Variants in KCNIP4 observed in about 807,000 individuals in gnomAD.
KCNIP4 encodes potassium voltage-gated channel interacting protein 4, also known as Kv channel-interacting protein 4.
A neutral mutation model predicts 34.0 loss-of-function variants in KCNIP4; 12 were observed. The ratio of observed to expected loss-of-function variants is 0.35; its 90% CI spans 0.23 to 0.57. KCNIP4 has a LOEUF of 0.57. Ranked by LOEUF, KCNIP4 falls within the 20% of genes least tolerant of loss-of-function variation. KCNIP4 has a pLI of 0.83. For missense variants in KCNIP4, 238 were observed against 311.7 expected (o/e 0.76, Z 1.78); for synonymous variants, 124 against 102.2 (o/e 1.21, Z -1.29).
At chr4:21,278,578 G>A (rs1762584682) in intron 1 of KCNIP4, among the ~76,000 whole-genome samples, 1 of 152,094 alleles carries the variant, frequency 6.6e-6, no homozygotes, top group African/African-American at 2.4e-5. Flanking sequence ...AAATAGCAGA[G>A]ACATGGAATC....
At chr4:20,946,615 G>GA in intron 1 of KCNIP4, among the ~76,000 whole-genome samples, 1 of 152,280 alleles carries the variant, frequency 6.6e-6, no homozygotes, top group Middle Eastern at 3.4e-3. Flanking sequence ...CTGAAAGCAG[G>GA]AAAATGGAAG....
chr4:21,504,431 G>A (rs1470140974), intron 1 of KCNIP4, among the ~76,000 whole-genome samples: 1 of 132,560 alleles, frequency 7.5e-6, no homozygotes, highest in African/African-American at 2.9e-5. Context: ...TCATGCCACT[G>A]CACTCCAGCC....
intron 1 of KCNIP4, among the ~76,000 whole-genome samples, chr4:20,894,935 GCAT>G (rs1436335531): frequency 6.6e-6 from 1 of 152,162 alleles, no homozygotes; most frequent in Non-Finnish European, 1.5e-5. Context: ...TACCTTACAA[GCAT>G]CATATTATTT....
chr4:21,747,618 T>C (rs1445628476), intron 1 of KCNIP4, among the ~76,000 whole-genome samples: 2 of 152,108 alleles, frequency 1.3e-5, no homozygotes, highest in Non-Finnish European at 2.9e-5. Flanking sequence ...TTGTAAACTT[T>C]GAGCAACTGA....
chr4:20,910,562 C>T (rs1303911553), intron 1 of KCNIP4, among the ~76,000 whole-genome samples: 1 of 152,134 alleles, frequency 6.6e-6, no homozygotes, highest in Non-Finnish European at 1.5e-5. Flanking sequence ...CAGAACGAGC[C>T]TAACGGAAAT....
At chr4:20,849,140 T>C (rs1720729606) in intron 3 of KCNIP4, among the ~76,000 whole-genome samples, 1 of 152,172 alleles carries the variant, frequency 6.6e-6, no homozygotes, top group Non-Finnish European at 1.5e-5. Flanking sequence ...TCTTGATATA[T>C]TACCTATCAG....
chr4:21,722,069 G>A (rs1714858589), intron 1 of KCNIP4, among the ~76,000 whole-genome samples: 1 of 152,092 alleles, frequency 6.6e-6, no homozygotes, highest in African/African-American at 2.4e-5. Flanking sequence ...GACTCCTTAA[G>A]ATCATAAATT....
chr4:21,373,846 C>G (rs1720718918), intron 1 of KCNIP4, among the ~76,000 whole-genome samples: 1 of 146,738 alleles, frequency 6.8e-6, no homozygotes, highest in Non-Finnish European at 1.5e-5. Flanking sequence ...ACTGGGATTA[C>G]AGGTGCTCCT....
At chr4:20,788,370 C>A (rs1294883166) in intron 3 of KCNIP4, among the ~76,000 whole-genome samples, 1 of 152,046 alleles carries the variant, frequency 6.6e-6, no homozygotes, top group Non-Finnish European at 1.5e-5. Flanking sequence ...TGCTATTTTT[C>A]TATTTAATGA....
chr4:20,937,216 A>G (rs1194974815), intron 1 of KCNIP4, among the ~76,000 whole-genome samples: 3 of 135,224 alleles, frequency 2.2e-5, no homozygotes, highest in African/African-American at 5.4e-5. Context: ...GGTGCCCCCA[A>G]GGAGTCTTTT....
intron 1 of KCNIP4, among the ~76,000 whole-genome samples, chr4:21,946,212 T>C (rs1470836637): frequency 1.3e-5 from 2 of 151,932 alleles, no homozygotes; most frequent in South Asian, 2.1e-4. Flanking sequence ...GGTCATAAAA[T>C]ACATACACGT....
intron 1 of KCNIP4, among the ~76,000 whole-genome samples, chr4:21,779,602 A>T (rs748539883): frequency 2.0e-5 from 3 of 152,118 alleles, no homozygotes; most frequent in Non-Finnish European, 4.4e-5. Flanking sequence ...GGAGAGGAAA[A>T]ATAAGAATAT....
chr4:20,926,010 T>C (rs546345056), intron 1 of KCNIP4, among the ~76,000 whole-genome samples: 2 of 152,358 alleles, frequency 1.3e-5, no homozygotes, highest in East Asian at 3.9e-4. Flanking sequence ...ATAGGTGCTC[T>C]CTGCCCAAGA....
chr4:21,352,154 C>T (rs529884773), intron 1 of KCNIP4, among the ~76,000 whole-genome samples: 2 of 152,252 alleles, frequency 1.3e-5, no homozygotes, highest in Admixed American at 6.5e-5. Context: ...AATCTTGGTT[C>T]CATTCCAAGA....
At chr4:21,543,165 C>T (rs376629477) in intron 1 of KCNIP4, among the ~76,000 whole-genome samples, 3 of 152,004 alleles carry the variant, frequency 2.0e-5, no homozygotes, top group African/African-American at 7.2e-5. Flanking sequence ...TGTTTATCAA[C>T]TCTGTGATAA....
intron 4 of KCNIP4, among the ~76,000 whole-genome samples, chr4:20,753,621 T>C (rs1485350066): frequency 6.6e-6 from 1 of 152,152 alleles, no homozygotes; most frequent in Non-Finnish European, 1.5e-5. Context: ...GCACGAGGAA[T>C]AGAATCACCT....
At chr4:21,228,681 C>A (rs1054996256) in intron 1 of KCNIP4, among the ~76,000 whole-genome samples, 1 of 152,220 alleles carries the variant, frequency 6.6e-6, no homozygotes, top group Non-Finnish European at 1.5e-5. Flanking sequence ...TCAAGGCCAA[C>A]AACTACCTCC....
chr4:21,184,197 A>T (rs2109330881), intron 1 of KCNIP4, among the ~76,000 whole-genome samples: 1 of 152,278 alleles, frequency 6.6e-6, no homozygotes, highest in South Asian at 2.1e-4. Context: ...GGATAAAAAT[A>T]GTACCTGCCT....
At chr4:21,129,753 G>A (rs1323465306) in intron 1 of KCNIP4, among the ~76,000 whole-genome samples, 1 of 151,982 alleles carries the variant, frequency 6.6e-6, no homozygotes, top group Non-Finnish European at 1.5e-5. Flanking sequence ...AGAAAACTTG[G>A]GTCATTTTAA....
Sources: gnomAD v4.1 joint callset for allele counts (sites outside exome capture counted in the v4.1 genomes callset) on GRCh38, gnomAD v4.1.1 for gene constraint, MANE v1.5 for transcripts, NCBI Gene and HGNC (gene_info 2026-07-23, HGNC 2026-07-21) for gene names.